HERC4: variants seen among roughly 807,000 people sequenced by gnomAD.
The protein encoded by HERC4 is HECT and RLD domain containing E3 ubiquitin protein ligase 4.
In HERC4, 28 loss-of-function variants were observed where a neutral mutation model predicts 124.3. The ratio of observed to expected loss-of-function variants is 0.23; its 90% CI spans 0.17 to 0.31. The LOEUF is 0.31. Among genes scored for constraint, HERC4 ranks in the 10% least tolerant of loss-of-function variants. HERC4 has a pLI of 1.00. For synonymous variants in HERC4, 407 were observed against 421.5 expected (o/e 0.97, Z 0.42); for missense variants, 713 against 1,229.3 (o/e 0.58, Z 6.28).
intron 16 of HERC4, chr10:67,959,243 G>A: frequency 3.2e-6 from 3 of 929,114 alleles, no homozygotes; most frequent in Non-Finnish European, 4.8e-6. Context: ...TGCTACAGCA[G>A]AATATTGAAG....
chr10:67,960,138 C>T (rs139807125), intron 16 of HERC4, among the ~76,000 whole-genome samples: 5 of 152,160 alleles, frequency 3.3e-5, no homozygotes, highest in South Asian at 2.1e-4. Context: ...GAGGTCACTA[C>T]GGGAGCAGGA....
rs146452450 is a variant in HERC4 at position 67,932,651 on chromosome 10, T to C, written c.2784A>G (p.Glu928=). The change falls in exon 23 of 25, where the codon GAA becomes GAG. Residue 928 remains glutamate, a synonymous_variant. Coordinates refer to ENST00000373700, the MANE Select transcript of HERC4 (RefSeq NM_015601.4). ...TATTTCCAATGACCATTGCTTGTAGTTCATTAGGCTGAAAGAGCAGAAGGA... is the reference window on the plus strand; with the variant it reads ...TATTTCCAATGACCATTGCTTGTAGCTCATTAGGCTGAAAGAGCAGAAGGA... The part of the protein sequence containing the change: ...GKVLLLFQPN[E]LQAMVIGNTN... 2.3e-4 allele frequency: 373 copies of C among 1,610,264 alleles called. 2 individuals are homozygous for C. Among genetic ancestry groups the C allele is most frequent in the Admixed American group, 7.8e-4 (46 of 59,220 alleles).
At chr10:68,020,127 T>C (rs971079852) in intron 8 of HERC4, among the ~76,000 whole-genome samples, 1 of 152,182 alleles carries the variant, frequency 6.6e-6, no homozygotes, top group Non-Finnish European at 1.5e-5. Flanking sequence ...CTCATTTTTA[T>C]ACCTCAGGGT....
chr10:67,990,451 T>TAAAA, intron 13 of HERC4, 51 bp from the exon 14 acceptor site: 3 of 598,942 alleles, frequency 5.0e-6, no homozygotes, highest in Non-Finnish European at 4.4e-6. Flanking sequence ...GAATACACTT[T>TAAAA]CAAAGAAAAA....
At chr10:68,068,486 CAAAAAA>C (rs34779824) in intron 3 of HERC4, 1 of 68,476 alleles carries the variant, frequency 1.5e-5, no homozygotes, top group Non-Finnish European at 2.9e-5. Flanking sequence ...GACTCCGTTT[CAAAAAA>C]AAAAAAAAAA....
At chr10:68,033,164 C>T (rs2039295510) in intron 6 of HERC4, among the ~76,000 whole-genome samples, 3 of 152,110 alleles carry the variant, frequency 2.0e-5, no homozygotes, top group Admixed American at 1.3e-4. Flanking sequence ...TCCACACATA[C>T]ATCATTCTTT....
At chr10:68,013,959 A>T (rs1170902803) in intron 9 of HERC4, 67 bp downstream of exon 9, 1 of 1,320,706 alleles carries the variant, frequency 7.6e-7, no homozygotes, top group Non-Finnish European at 1.0e-6. Context: ...AATCTTCATG[A>T]TTTAAGAGCA....
At chr10:68,029,796 T>C (rs2039102391) in intron 7 of HERC4, among the ~76,000 whole-genome samples, 1 of 151,100 alleles carries the variant, frequency 6.6e-6, no homozygotes, top group African/African-American at 2.4e-5. Context: ...TGGAGTACAG[T>C]GGCACAGCCT....
chr10:67,931,564 A>G (rs988634919), intron 23 of HERC4, among the ~76,000 whole-genome samples: 1 of 151,974 alleles, frequency 6.6e-6, no homozygotes, highest in African/African-American at 2.4e-5. Flanking sequence ...AGCTGGGATT[A>G]CAGGTGTGTG....
intron 3 of HERC4, among the ~76,000 whole-genome samples, chr10:68,072,061 T>C (rs1399831075): frequency 6.6e-6 from 1 of 152,212 alleles, no homozygotes; most frequent in Non-Finnish European, 1.5e-5. Flanking sequence ...AGTGCCATTA[T>C]TGTTACAGTT....
At chr10:67,936,803 T>C (rs1425473153) in intron 21 of HERC4, among the ~76,000 whole-genome samples, 5 of 152,196 alleles carry the variant, frequency 3.3e-5, no homozygotes, top group Admixed American at 2.6e-4. Flanking sequence ...TGCTACTCCT[T>C]CTTTTTGGAA....
intron 8 of HERC4, among the ~76,000 whole-genome samples, chr10:68,020,600 T>C (rs909715714): frequency 1.3e-5 from 2 of 151,630 alleles, no homozygotes; most frequent in African/African-American, 4.8e-5. Context: ...AAACCCCGTC[T>C]CTACTAAAAA....
rs765099654 is a variant in HERC4, at chr10:68,032,812, C to G, written c.743G>C (p.Cys248Ser). The change falls in exon 7 of 25, where the codon TGT becomes TCT. Residue 248 changes from cysteine to serine, a missense_variant. Cys to Ser is a moderately radical substitution (Grantham distance 112). Transcript: ENST00000373700. Reference protein sequence around the residue: ...SLRSQKIVYICCGEDHTAALT... With the variant: ...SLRSQKIVYISCGEDHTAALT... ...AGCAGCAGTATGATCTTCTCCACAA[C>G]AAATATAAACTATTTTCTGAGATCT... is the stretch of plus-strand genomic sequence containing the variant. The G allele has an allele frequency of 5.0e-6, 8 of 1,585,912 alleles. No homozygotes were observed. The highest frequency in any genetic ancestry group is 6.9e-6 in the Non-Finnish European group (8 of 1,154,726).
At chr10:68,054,233 C>T (rs2040444273) in intron 3 of HERC4, among the ~76,000 whole-genome samples, 1 of 152,020 alleles carries the variant, frequency 6.6e-6, no homozygotes, top group Non-Finnish European at 1.5e-5. Context: ...CACATGTATG[C>T]AGAGAAAAGA....
At chr10:67,952,470 G>C (rs1589164887) in intron 19 of HERC4, among the ~76,000 whole-genome samples, 1 of 152,162 alleles carries the variant, frequency 6.6e-6, no homozygotes, top group East Asian at 2.0e-4. Flanking sequence ...TTTTAGTAGA[G>C]ACAGGGTTTC....
chr10:68,019,982 C>T (rs1326253057), intron 8 of HERC4, among the ~76,000 whole-genome samples: 1 of 152,190 alleles, frequency 6.6e-6, no homozygotes, highest in Admixed American at 6.5e-5. Context: ...CTTCCACCCC[C>T]ACCTTTCATT....
In HERC4 at chr10:68,037,986, C is replaced by G. The variant is rs193222048; in HGVS notation, c.463+107G>C. On this transcript the variant is annotated intron_variant, in intron 5 of 24. Coordinates refer to ENST00000373700, the MANE Select transcript of HERC4 (RefSeq NM_015601.4). ...TATGGAAATGAAAAGGATCAAGAAC[C>G]AGGGCAATCTTGCAGAAAGATGAGC... 182 of 646,466 alleles carry G rather than the reference C, an allele frequency of 2.8e-4. No individual in the cohort carries two copies. In the African/African-American group the frequency reaches 3.3e-3, roughly 12 times the overall value. The allele number at this position is 646,466 out of a possible 1,614,324, so 40.0% of individuals were successfully genotyped here.
At chr10:68,025,277 C>G (rs2133266976) in intron 8 of HERC4, among the ~76,000 whole-genome samples, 1 of 152,016 alleles carries the variant, frequency 6.6e-6, no homozygotes, top group East Asian at 1.9e-4. Flanking sequence ...AAGAAAGAAG[C>G]CTTTCGAGTG....
intron 14 of HERC4, 72 bp from the exon 15 acceptor site, chr10:67,988,907 C>CT: frequency 4.8e-6 from 6 of 1,238,414 alleles, no homozygotes; most frequent in African/African-American, 1.5e-5. Context: ...ATCATACTGA[C>CT]TTTTTTTCTG....
Sources: gnomAD v4.1 joint callset for allele counts (sites outside exome capture counted in the v4.1 genomes callset) on GRCh38, gnomAD v4.1.1 for gene constraint, MANE v1.5 for transcripts, NCBI Gene and HGNC (gene_info 2026-07-23, HGNC 2026-07-21) for gene names.